Variants in CNTNAP4 observed in about 807,000 individuals in gnomAD.
CNTNAP4 encodes contactin associated protein family member 4, also known as contactin-associated protein-like 4.
In CNTNAP4, 98 loss-of-function variants were observed where a neutral mutation model predicts 148.4. The ratio of observed to expected loss-of-function variants is 0.66; its 90% CI spans 0.56 to 0.78. CNTNAP4 has a LOEUF of 0.78. Ranked by LOEUF, CNTNAP4 falls within the 30% of genes least tolerant of loss-of-function variation. The pLI is 0.00. For missense variants in CNTNAP4, 1,935 were observed against 1,565.6 expected (o/e 1.24, Z -3.98); for synonymous variants, 730 against 565.1 (o/e 1.29, Z -4.14).
intron 3 of CNTNAP4, among the ~76,000 whole-genome samples, chr16:76,406,099 C>T (rs2078592071): frequency 6.6e-6 from 1 of 152,076 alleles, no homozygotes; most frequent in South Asian, 2.1e-4. Context: ...TGGCTTACGC[C>T]TGTAGTCCTA....
intron 1 of CNTNAP4, chr16:76,309,927 T>G (rs1160345824): frequency 1.4e-6 from 1 of 701,778 alleles, no homozygotes; most frequent in East Asian, 2.7e-5. Context: ...TTAAGTCTCT[T>G]TTTCTTCCCC....
At chr16:76,403,170 G>T (rs562792673) in intron 3 of CNTNAP4, among the ~76,000 whole-genome samples, 1 of 151,096 alleles carries the variant, frequency 6.6e-6, no homozygotes, top group African/African-American at 2.4e-5. Context: ...TCGACTCACT[G>T]CAAGCTCCAC....
intron 2 of CNTNAP4, among the ~76,000 whole-genome samples, chr16:76,326,111 C>T (rs1841491396): frequency 6.6e-6 from 1 of 152,100 alleles, no homozygotes; most frequent in Admixed American, 6.6e-5. Flanking sequence ...CAAAATACTC[C>T]CTAACTCATT....
chr16:76,463,744 T>A (rs1174617838), intron 9 of CNTNAP4, among the ~76,000 whole-genome samples: 1 of 152,222 alleles, frequency 6.6e-6, no homozygotes, highest in African/African-American at 2.4e-5. Context: ...TCAATGCATG[T>A]CTGTCCCTTG....
chr16:76,338,483 C>T (rs1389838761), intron 2 of CNTNAP4, among the ~76,000 whole-genome samples: 1 of 152,114 alleles, frequency 6.6e-6, no homozygotes, highest in African/African-American at 2.4e-5. Flanking sequence ...TGGAAGGCTC[C>T]AATCCTTCAC....
intron 8 of CNTNAP4, among the ~76,000 whole-genome samples, chr16:76,460,491 G>T (rs2080899806): frequency 6.7e-6 from 1 of 150,092 alleles, no homozygotes; most frequent in South Asian, 2.1e-4. Context: ...GCCAGGCGCG[G>T]TGGCTCACGC....
chr16:76,293,949 A>G (rs1010311899), intron 1 of CNTNAP4, among the ~76,000 whole-genome samples: 4 of 151,992 alleles, frequency 2.6e-5, no homozygotes, highest in African/African-American at 9.7e-5. Context: ...ATTTCCTAAG[A>G]CATCCATTCT....
intron 1 of CNTNAP4, among the ~76,000 whole-genome samples, chr16:76,280,385 T>A (rs1320224122): frequency 6.6e-6 from 1 of 152,198 alleles, no homozygotes; most frequent in Non-Finnish European, 1.5e-5. Flanking sequence ...TATATGTATA[T>A]GTGCTCATTT....
intron 1 of CNTNAP4, among the ~76,000 whole-genome samples, chr16:76,312,877 C>T (rs538156601): frequency 6.6e-6 from 1 of 152,142 alleles, no homozygotes; most frequent in Admixed American, 6.5e-5. Flanking sequence ...TTATAACTTC[C>T]TAGCACAGAG....
At chr16:76,408,014 C>T (rs2078658310) in intron 3 of CNTNAP4, among the ~76,000 whole-genome samples, 1 of 151,870 alleles carries the variant, frequency 6.6e-6, no homozygotes, top group Admixed American at 6.6e-5. Context: ...GAACCTCTAC[C>T]AGGAAAAAGA....
chr16:76,434,942 G>A (rs1303116137), intron 4 of CNTNAP4, among the ~76,000 whole-genome samples: 1 of 152,136 alleles, frequency 6.6e-6, no homozygotes, highest in Non-Finnish European at 1.5e-5. Context: ...CCACAATGAT[G>A]TTTTAGGTCC....
intron 8 of CNTNAP4, among the ~76,000 whole-genome samples, chr16:76,454,738 C>A (rs981243193): frequency 4.6e-5 from 7 of 152,062 alleles, no homozygotes; most frequent in Admixed American, 4.6e-4. Flanking sequence ...TTTATGTATG[C>A]GACACTTGAT....
intron 3 of CNTNAP4, among the ~76,000 whole-genome samples, chr16:76,379,729 G>A (rs2015776186): frequency 6.6e-6 from 1 of 152,176 alleles, no homozygotes; most frequent in South Asian, 2.1e-4. Context: ...GTAGTTAGGT[G>A]TACACATCAG....
At position 76,553,838 on chromosome 16, in the gene CNTNAP4, C is replaced by A; in HGVS notation, c.3664C>A (p.His1222Asn). 6.2e-7 allele frequency: 1 copy of A among 1,608,206 alleles called. No homozygotes were observed. Among genetic ancestry groups the A allele is most frequent in the Non-Finnish European group, 8.5e-7 (1 of 1,175,328 alleles). Reference protein sequence around the residue: ...SRERTHSFADHSGTIDDREPL... With the variant: ...SRERTHSFADNSGTIDDREPL... ...CCTTTGTTGTGCTTTAACTGCAGATCATTCTGGAACAATAGATGACAGAGA... is the reference window on the plus strand; with the variant it reads ...CCTTTGTTGTGCTTTAACTGCAGATAATTCTGGAACAATAGATGACAGAGA... Residue 1222 changes from histidine (H) to asparagine (N), a missense_variant and splice_region_variant, in exon 23 of 24, where the codon CAT becomes AAT. By Grantham distance (68) the His-to-Asn change is moderately conservative (BLOSUM62 1). Transcript: ENST00000611870.
At chr16:76,496,496 G>A (rs998092314) in intron 14 of CNTNAP4, among the ~76,000 whole-genome samples, 2 of 152,056 alleles carry the variant, frequency 1.3e-5, no homozygotes, top group African/African-American at 2.4e-5. Context: ...AAAAATGTTA[G>A]AAAAACAACT....
intron 1 of CNTNAP4, among the ~76,000 whole-genome samples, chr16:76,314,663 C>T (rs549696200): frequency 6.6e-6 from 1 of 152,254 alleles, no homozygotes; most frequent in African/African-American, 2.4e-5. Flanking sequence ...CGTTATCAAT[C>T]GGTTCCCTTA....
At chr16:76,391,626 C>G (rs2017004158) in intron 3 of CNTNAP4, among the ~76,000 whole-genome samples, 1 of 152,150 alleles carries the variant, frequency 6.6e-6, no homozygotes, top group African/African-American at 2.4e-5. Context: ...TCCAAGATCC[C>G]ACTTCGGATC....
At chr16:76,305,526 G>C (rs371700787) in intron 1 of CNTNAP4, among the ~76,000 whole-genome samples, 1 of 151,974 alleles carries the variant, frequency 6.6e-6, no homozygotes, top group Non-Finnish European at 1.5e-5. Context: ...TAAGGCTTTT[G>C]AATTTAAGGC....
intron 4 of CNTNAP4, among the ~76,000 whole-genome samples, chr16:76,446,074 A>G (rs1436518074): frequency 1.8e-5 from 1 of 56,884 alleles, no homozygotes; most frequent in Admixed American, 2.5e-4. Context: ...CTATAAGCAC[A>G]TTAGCAAAAT....
Sources: allele counts gnomAD v4.1 joint callset (sites outside exome capture counted in the v4.1 genomes callset), GRCh38; gene constraint gnomAD v4.1.1; transcripts MANE v1.5; gene names NCBI Gene and HGNC (gene_info 2026-07-23, HGNC 2026-07-21).